The following AXDND1 variants were observed in gnomAD, a reference collection of about 807,000 sequenced individuals.
The protein encoded by AXDND1 is axonemal dynein light chain domain-containing protein 1.
AXDND1 carries 110 observed loss-of-function variants against 137.5 expected under a neutral mutation model. That is an observed-to-expected ratio of 0.80 (90% CI 0.69 to 0.94). The LOEUF (loss-of-function observed/expected upper bound fraction) is 0.94, where lower values mean the gene tolerates loss of function less well. Among genes scored for constraint, AXDND1 ranks in the 40% least tolerant of loss-of-function variants. AXDND1 has a pLI of 0.00. For synonymous variants in AXDND1, 414 were observed against 399.7 expected (o/e 1.04, Z -0.43); for missense variants, 1,191 against 1,169.8 (o/e 1.02, Z -0.26).
intron 25 of AXDND1, among the ~76,000 whole-genome samples, chr1:179,540,517 C>T (rs182663904): frequency 1.9e-3 from 293 of 152,324 alleles, no homozygotes; most frequent in African/African-American, 6.7e-3. Flanking sequence ...GTATCATCAG[C>T]GGATGCTGCA....
Position 179,378,669 on chromosome 1 carries a change from C to A in AXDND1, c.407C>A (p.Ala136Asp). 1.9e-6 allele frequency: 3 copies of A among 1,594,046 alleles called. No individual in the cohort carries two copies. Among genetic ancestry groups the A allele is most frequent in the Non-Finnish European group, 2.6e-6 (3 of 1,168,392 alleles). ...TCTTTTCTGTACGATGTAACATATG[C>A]CAAAGGACAGACTAGGGAGAAGGCA... ...DISFLYDVTY[A>D]KGQTREKAVC... Residue 136 changes from alanine (A) to aspartate (D), a missense_variant, in exon 5 of 26, where the codon GCC becomes GAC. Physicochemically the swap from Ala to Asp is moderately radical, Grantham distance 126. Coordinates refer to ENST00000367618, the MANE Select transcript of AXDND1 (RefSeq NM_144696.6).
In AXDND1 at chr1:179,372,753, G is replaced by A. The variant is rs577349147; in HGVS notation, c.374+2675G>A. Among the ~76,000 whole-genome samples, 13 of 151,982 alleles carry A rather than the reference G, an allele frequency of 8.6e-5. No homozygotes were observed. In the South Asian group the frequency reaches 2.3e-3, roughly 27 times the overall value. ...GGCTGGAGTGCAATGGCGCAGTCTCGGCTCACCACAACCTCTGCCTCCCGG... is the reference window on the plus strand; with the variant it reads ...GGCTGGAGTGCAATGGCGCAGTCTCAGCTCACCACAACCTCTGCCTCCCGG... On this transcript the variant is annotated intron_variant, in intron 4 of 25. Coordinates refer to ENST00000367618, the MANE Select transcript of AXDND1 (RefSeq NM_144696.6).
intron 17 of AXDND1, among the ~76,000 whole-genome samples, chr1:179,473,925 A>G (rs1298186974): frequency 1.3e-5 from 2 of 152,150 alleles, no homozygotes; most frequent in Admixed American, 6.5e-5. Flanking sequence ...TCATTTGTTT[A>G]TAAGTTACCT....
At chr1:179,419,177 C>T (rs999031538) in intron 12 of AXDND1, among the ~76,000 whole-genome samples, 7 of 151,534 alleles carry the variant, frequency 4.6e-5, no homozygotes, top group South Asian at 4.2e-4. Context: ...AGACGATGGG[C>T]GGCCAGGCAG....
intron 25 of AXDND1, among the ~76,000 whole-genome samples, chr1:179,540,348 T>C (rs1166643235): frequency 1.3e-5 from 2 of 152,208 alleles, no homozygotes; most frequent in Non-Finnish European, 2.9e-5. Flanking sequence ...CATTTTGTCT[T>C]TGATGTTGGT....
intron 11 of AXDND1, among the ~76,000 whole-genome samples, chr1:179,401,199 G>T (rs12737345): frequency 6.8e-6 from 1 of 147,814 alleles, no homozygotes; most frequent in Non-Finnish European, 1.5e-5. Context: ...CAGAGATTGC[G>T]GTGAGCTGAG....
intron 9 of AXDND1, among the ~76,000 whole-genome samples, chr1:179,388,035 G>C (rs1160365962): frequency 6.6e-6 from 1 of 152,158 alleles, no homozygotes; most frequent in African/African-American, 2.4e-5. Flanking sequence ...CCTTAACTCA[G>C]AGAGTCAACT....
At chr1:179,384,630 T>G (rs1428626282) in intron 8 of AXDND1, among the ~76,000 whole-genome samples, 2 of 152,210 alleles carry the variant, frequency 1.3e-5, no homozygotes, top group Non-Finnish European at 2.9e-5. Context: ...CACAAGCCAG[T>G]TACTCTGTAG....
intron 17 of AXDND1, among the ~76,000 whole-genome samples, chr1:179,479,620 A>C (rs1160669083): frequency 6.6e-6 from 1 of 151,520 alleles, no homozygotes; most frequent in Non-Finnish European, 1.5e-5. Flanking sequence ...CACTAAAAAT[A>C]CAAAAAATTA....
intron 25 of AXDND1, among the ~76,000 whole-genome samples, chr1:179,537,642 G>A (rs1013458635): frequency 1.3e-5 from 2 of 152,174 alleles, no homozygotes; most frequent in Non-Finnish European, 2.9e-5. Flanking sequence ...AGGGATATTG[G>A]TCAAAAATTC....
intron 17 of AXDND1, among the ~76,000 whole-genome samples, chr1:179,482,890 A>T (rs949362492): frequency 6.6e-6 from 1 of 151,176 alleles, no homozygotes; most frequent in Non-Finnish European, 1.5e-5. Context: ...TGAACGTAAG[A>T]TCTGCTTTGT....
At chr1:179,478,917 A>G (rs1249359366) in intron 17 of AXDND1, among the ~76,000 whole-genome samples, 1 of 151,632 alleles carries the variant, frequency 6.6e-6, no homozygotes, top group African/African-American at 2.4e-5. Context: ...TCTGGCCAAC[A>G]TGGTGAAACT....
chr1:179,483,184 A>T lies in AXDND1; in HGVS notation c.2054A>T (p.Asn685Ile). ...CAACAATGGCTTTTGAAGATAGGCA[A>T]TGAAATTAACAACGGTAACATTGAA... The part of the protein sequence containing the change: ...MIQQWLLKIG[N>I]EINNGNIELQ... Residue 685 changes from asparagine to isoleucine, a missense_variant, in exon 18 of 26, where the codon AAT becomes ATT. Asn to Ile is a moderately radical substitution (Grantham distance 149). Transcript: ENST00000367618. 1 of 1,611,196 alleles carries T rather than the reference A, an allele frequency of 6.2e-7. No homozygotes were observed. The highest frequency in any genetic ancestry group is 8.5e-7 in the Non-Finnish European group (1 of 1,178,424).
Position 179,430,567 on chromosome 1 carries a change from T to A in AXDND1, c.1448T>A (p.Ile483Asn). The A allele has an allele frequency of 6.2e-7, 1 of 1,613,672 alleles. No individual in the cohort carries two copies. The highest frequency in any genetic ancestry group is 8.5e-7 in the Non-Finnish European group (1 of 1,179,876). The change falls in exon 14 of 26, where the codon ATT becomes AAT. Residue 483 changes from isoleucine (I) to asparagine (N), a missense_variant. Coordinates refer to ENST00000367618, the MANE Select transcript of AXDND1 (RefSeq NM_144696.6). The part of the protein sequence containing the change: ...MEESTSETLK[I>N]VKDGLIKWQE... Reference sequence around the variant, plus strand: ...GAGTCTACAAGCGAGACACTGAAAATTGTTAAGGATGGGCTTATCAAATGG... The same window carrying A: ...GAGTCTACAAGCGAGACACTGAAAAATGTTAAGGATGGGCTTATCAAATGG...
chr1:179,370,230 G>A, intron 4 of AXDND1, 152 bp downstream of exon 4: 1 of 635,272 alleles, frequency 1.6e-6, no homozygotes, highest in Middle Eastern at 4.3e-4. Context: ...ATCCAGAAGG[G>A]CCAAAGACCA....
intron 20 of AXDND1, among the ~76,000 whole-genome samples, chr1:179,496,359 A>C (rs114111153): frequency 0.024 from 3,704 of 152,140 alleles, 160 homozygotes; most frequent in African/African-American, 0.084. Context: ...TTTAACTAAC[A>C]AATATAGAGC....
At position 179,418,662 on chromosome 1, in the gene AXDND1, G is replaced by C. The variant is rs559203141; in HGVS notation, c.1230+7396G>C. On this transcript the variant is annotated intron_variant, in intron 12 of 25. Transcript: ENST00000367618. ...TCCCGGACGGGGCGGCTGGCCGGGTGGGGGGCCGACACCACCACCTCCCTC... is the reference window on the plus strand; with the variant it reads ...TCCCGGACGGGGCGGCTGGCCGGGTCGGGGGCCGACACCACCACCTCCCTC... Among the ~76,000 whole-genome samples the C allele has an allele frequency of 9.6e-4, 137 of 142,472 alleles. 3 individuals are homozygous for C. The highest frequency in any genetic ancestry group is 1.9e-3 in the African/African-American group (77 of 40,066). The allele number at this position is 142,472 out of a possible 152,430, so 93.5% of individuals were successfully genotyped here.
chr1:179,517,382 G>A (rs1435033163), intron 21 of AXDND1, among the ~76,000 whole-genome samples: 1 of 152,222 alleles, frequency 6.6e-6, no homozygotes, highest in African/African-American at 2.4e-5. Flanking sequence ...CTGCCTCCCA[G>A]CTGCAAAAGA....
chr1:179,458,789 C>T lies in AXDND1; in HGVS notation c.1799-9654C>T, dbSNP rs1661784619. 1.3e-5 allele frequency among the ~76,000 whole-genome samples: 2 copies of T among 151,268 alleles called. 1 individual carries two copies. Among genetic ancestry groups the T allele is most frequent in the Admixed American group, 1.3e-4 (2 of 15,178 alleles). The stretch of plus-strand genomic sequence containing the variant: ...ACAAATAAAAAACCAATAGTAATAC[C>T]ATGAATGGAAAAACACTTAAACTTT... On this transcript the variant is annotated intron_variant, in intron 16 of 25. Coordinates refer to ENST00000367618, the MANE Select transcript of AXDND1 (RefSeq NM_144696.6).
Sources: gnomAD v4.1 joint callset for allele counts (sites outside exome capture counted in the v4.1 genomes callset) on GRCh38, gnomAD v4.1.1 for gene constraint, MANE v1.5 for transcripts, NCBI Gene and HGNC (gene_info 2026-07-23, HGNC 2026-07-21) for gene names.